LHFPL3: variants seen among roughly 807,000 people sequenced by gnomAD.
LHFPL3 encodes LHFPL tetraspan subfamily member 3, also known as LHFPL tetraspan subfamily member 3 protein.
LHFPL3 carries 5 observed loss-of-function variants against 19.3 expected under a neutral mutation model. The observed-to-expected ratio is 0.26, with a 90% confidence interval of 0.14 to 0.54. The LOEUF (loss-of-function observed/expected upper bound fraction) is 0.54. Among genes scored for constraint, LHFPL3 ranks in the 20% least tolerant of loss-of-function variants. LHFPL3 has a pLI of 0.94. For synonymous variants in LHFPL3, 133 were observed against 126.2 expected (o/e 1.05, Z -0.36); for missense variants, 249 against 307.4 (o/e 0.81, Z 1.42).
intron 1 of LHFPL3, among the ~76,000 whole-genome samples, chr7:104,643,273 T>G (rs1478085330): frequency 6.6e-6 from 1 of 152,184 alleles, no homozygotes; most frequent in Non-Finnish European, 1.5e-5. Context: ...ACATGGTAAA[T>G]AAAAATTCTG....
chr7:104,613,754 A>G (rs369125816), intron 1 of LHFPL3, among the ~76,000 whole-genome samples: 1 of 152,306 alleles, frequency 6.6e-6, no homozygotes, highest in East Asian at 1.9e-4. Context: ...GAAAAATTGC[A>G]TGGGCCGAGT....
At chr7:104,594,586 C>A (rs978343062) in intron 1 of LHFPL3, among the ~76,000 whole-genome samples, 64 of 152,230 alleles carry the variant, frequency 4.2e-4, no homozygotes, top group African/African-American at 1.5e-3. Flanking sequence ...GTTGGCCTGC[C>A]TTGCTGTATT....
chr7:104,551,061 A>G (rs1036087486), intron 1 of LHFPL3, among the ~76,000 whole-genome samples: 1 of 152,132 alleles, frequency 6.6e-6, no homozygotes, highest in African/African-American at 2.4e-5. Context: ...TGCGCTAATC[A>G]GAACATTTCT....
chr7:104,655,150 A>G (rs1303941272), intron 1 of LHFPL3, among the ~76,000 whole-genome samples: 1 of 152,042 alleles, frequency 6.6e-6, no homozygotes, highest in Non-Finnish European at 1.5e-5. Context: ...TACAGTTCCT[A>G]TGTTTTCCCT....
At chr7:104,339,397 A>T (rs544491709) in intron 1 of LHFPL3, among the ~76,000 whole-genome samples, 1 of 152,356 alleles carries the variant, frequency 6.6e-6, no homozygotes, top group East Asian at 1.9e-4. Context: ...TTAAAAAATT[A>T]CTCAAAAGAA....
At chr7:104,432,617 A>G (rs1012578718) in intron 1 of LHFPL3, among the ~76,000 whole-genome samples, 2 of 152,044 alleles carry the variant, frequency 1.3e-5, no homozygotes, top group Non-Finnish European at 2.9e-5. Flanking sequence ...CTGTCTACTC[A>G]TACAGCCAAC....
intron 1 of LHFPL3, among the ~76,000 whole-genome samples, chr7:104,617,591 C>T (rs986473999): frequency 6.6e-5 from 10 of 152,280 alleles, no homozygotes; most frequent in African/African-American, 1.9e-4. Flanking sequence ...TTTTCCTAGA[C>T]GCTTTCTAAT....
intron 1 of LHFPL3, among the ~76,000 whole-genome samples, chr7:104,554,769 T>A (rs748133746): frequency 5.3e-5 from 8 of 152,212 alleles, no homozygotes; most frequent in Non-Finnish European, 1.2e-4. Flanking sequence ...CACAATAGGC[T>A]GTCTGTAAGC....
chr7:104,588,506 T>G (rs927412004), intron 1 of LHFPL3, among the ~76,000 whole-genome samples: 19 of 152,314 alleles, frequency 1.2e-4, no homozygotes, highest in African/African-American at 4.6e-4. Flanking sequence ...ACCATGCTGT[T>G]TTGGTTACTG....
rs182318896 is a variant in LHFPL3, at chr7:104,343,060, T to C, written c.445+13836T>C. Among the ~76,000 whole-genome samples, 5 of 151,622 alleles carry C rather than the reference T, an allele frequency of 3.3e-5. No individual in the cohort carries two copies. In the East Asian group the frequency reaches 9.7e-4, roughly 29 times the overall value. On this transcript the variant is annotated intron_variant, in intron 1 of 2. Transcript: ENST00000424859. The stretch of plus-strand genomic sequence containing the variant: ...AAATGATTGTGAGAGGTGGTCCCTA[T>C]ACACTAAAGTTTTAATTATGATAGA...
chr7:104,538,040 C>G (rs1794421417), intron 1 of LHFPL3, among the ~76,000 whole-genome samples: 1 of 152,126 alleles, frequency 6.6e-6, no homozygotes. Context: ...AAAAAAAACT[C>G]TGAACTTCAG....
At chr7:104,510,119 A>AT (rs1793781886) in intron 1 of LHFPL3, among the ~76,000 whole-genome samples, 1 of 151,710 alleles carries the variant, frequency 6.6e-6, no homozygotes, top group Non-Finnish European at 1.5e-5. Flanking sequence ...TACCATCTTC[A>AT]TGGGTTGGAA....
intron 1 of LHFPL3, among the ~76,000 whole-genome samples, chr7:104,349,176 G>A (rs1259250638): frequency 6.6e-6 from 1 of 152,070 alleles, no homozygotes; most frequent in Non-Finnish European, 1.5e-5. Flanking sequence ...AAGACAATAT[G>A]AAATAATAAA....
intron 1 of LHFPL3, among the ~76,000 whole-genome samples, chr7:104,344,950 T>C (rs911184595): frequency 1.3e-5 from 2 of 152,230 alleles, no homozygotes; most frequent in Admixed American, 6.5e-5. Flanking sequence ...CTCTCTTTTT[T>C]TGTCTTTGAG....
At chr7:104,532,624 C>T (rs979749612) in intron 1 of LHFPL3, among the ~76,000 whole-genome samples, 2 of 152,100 alleles carry the variant, frequency 1.3e-5, no homozygotes, top group East Asian at 3.8e-4. Context: ...ACCCCATCTT[C>T]CTACACCTCA....
intron 1 of LHFPL3, among the ~76,000 whole-genome samples, chr7:104,371,906 A>G (rs779419164): frequency 2.0e-5 from 3 of 152,250 alleles, no homozygotes; most frequent in Non-Finnish European, 4.4e-5. Context: ...ATTTATTCAC[A>G]CCAAAGTCTG....
At chr7:104,712,902 G>A (rs940813385) in intron 1 of LHFPL3, among the ~76,000 whole-genome samples, 7 of 152,122 alleles carry the variant, frequency 4.6e-5, no homozygotes, top group African/African-American at 1.2e-4. Flanking sequence ...ACCACAATTT[G>A]TCCCAAATAA....
At chr7:104,886,725 C>T (rs1181151896) in intron 2 of LHFPL3, among the ~76,000 whole-genome samples, 1 of 152,210 alleles carries the variant, frequency 6.6e-6, no homozygotes, top group African/African-American at 2.4e-5. Flanking sequence ...AAAAATTATA[C>T]ATTCACATTT....
intron 1 of LHFPL3, among the ~76,000 whole-genome samples, chr7:104,578,778 T>C (rs184452721): frequency 1.3e-5 from 2 of 152,184 alleles, no homozygotes; most frequent in East Asian, 3.9e-4. Context: ...GCCCTGAAAA[T>C]AGTTAGAATT....
Sources: allele counts gnomAD v4.1 joint callset (sites outside exome capture counted in the v4.1 genomes callset), GRCh38; gene constraint gnomAD v4.1.1; transcripts MANE v1.5; gene names NCBI Gene and HGNC (gene_info 2026-07-23, HGNC 2026-07-21).